CAMKK1: variants seen among roughly 807,000 people sequenced by gnomAD.
CAMKK1 encodes the protein calcium/calmodulin-dependent protein kinase kinase 1.
In CAMKK1, 20 loss-of-function variants were observed where a neutral mutation model predicts 63.5. The observed-to-expected ratio is 0.32, with a 90% confidence interval of 0.22 to 0.46. CAMKK1 has a LOEUF of 0.46. Among genes scored for constraint, CAMKK1 ranks in the 20% least tolerant of loss-of-function variants. CAMKK1 has a pLI of 1.00. For missense variants in CAMKK1, 588 were observed against 658.1 expected (o/e 0.89, Z 1.17); for synonymous variants, 253 against 269.0 (o/e 0.94, Z 0.58).
At chr17:3,873,483 A>G in intron 10 of CAMKK1, 21 bp from the exon 11 acceptor site, 1 of 1,613,790 alleles carries the variant, frequency 6.2e-7, no homozygotes. Context: ...ACATGCTCAC[A>G]TCAGTCCCCA....
chr17:3,869,205 C>T lies in CAMKK1; in HGVS notation c.1341+282G>A, dbSNP rs568450578. 2.6e-4 allele frequency among the ~76,000 whole-genome samples: 40 copies of T among 152,210 alleles called. 1 individual carries two copies. In the East Asian group the frequency reaches 7.2e-3, roughly 27 times the overall value. On this transcript the variant is annotated intron_variant, in intron 14 of 15. Coordinates refer to ENST00000348335, the MANE Select transcript of CAMKK1 (RefSeq NM_032294.3). The stretch of plus-strand genomic sequence containing the variant: ...ATCTCCTGACCTCGTGATCTGCCCG[C>T]CTTGGCCTCCCAAAGTGCTGGGATT...
intron 14 of CAMKK1, among the ~76,000 whole-genome samples, chr17:3,868,722 G>A (rs975592752): frequency 2.0e-5 from 3 of 151,694 alleles, no homozygotes; most frequent in Admixed American, 1.3e-4. Flanking sequence ...GCGTGATCTT[G>A]GCTCACTACA....
rs562328938 is a variant in CAMKK1, at chr17:3,889,061, G to A, written c.-43-3331C>T. 6.6e-6 allele frequency among the ~76,000 whole-genome samples: 1 copy of A among 152,256 alleles called. No individual in the cohort carries two copies. The highest frequency in any genetic ancestry group is 1.9e-4 in the East Asian group (1 of 5,164). ...CGTGTACCTATGCCCAGGGTAGGGG[G>A]GTGGTCCGCGCCCCTGGGGGCCCTG... On this transcript the variant is annotated intron_variant, in intron 1 of 15. Coordinates refer to ENST00000348335, the MANE Select transcript of CAMKK1 (RefSeq NM_032294.3). This position sits in a 1 kb window ranked among gnomAD's most constrained non-coding sequence, Gnocchi z 5.2.
At chr17:3,873,592 C>T (rs1157303528) in intron 10 of CAMKK1, 130 bp from the exon 11 acceptor site, 1 of 886,458 alleles carries the variant, frequency 1.1e-6, no homozygotes, top group East Asian at 2.5e-5. Flanking sequence ...GACAAACACT[C>T]CGCGGTACTT....
rs2054339646 is a variant in CAMKK1 at position 3,861,794 on chromosome 17, T to G, written c.*417A>C. The G allele has an allele frequency of 4.5e-6, 1 of 223,476 alleles. No homozygotes were observed. The highest frequency in any genetic ancestry group is 9.1e-6 in the Non-Finnish European group (1 of 109,770). 13.8% of individuals were successfully genotyped at this position (223,476 alleles called of 1,614,324 possible). A position where few individuals can be genotyped will look rare whatever the true frequency, so the allele number is the denominator to read the frequency against. On this transcript the variant is annotated 3_prime_UTR_variant, in exon 16 of 16. Transcript: ENST00000348335. ...CTCTCCACCATATGCCTGTGGCAGCTGAGCCAGGCCTGCCCGGCCCCAGCG... is the reference window on the plus strand; with the variant it reads ...CTCTCCACCATATGCCTGTGGCAGCGGAGCCAGGCCTGCCCGGCCCCAGCG...
chr17:3,862,144 T>G lies in CAMKK1; in HGVS notation c.*67A>C. 7.3e-7 allele frequency: 1 copy of G among 1,365,186 alleles called. No individual in the cohort carries two copies. The highest frequency in any genetic ancestry group is 1.0e-6 in the Non-Finnish European group (1 of 987,046). The allele number at this position is 1,365,186 out of a possible 1,614,324, so 84.6% of individuals were successfully genotyped here. On this transcript the variant is annotated 3_prime_UTR_variant, in exon 16 of 16. Transcript: ENST00000348335. This position sits in a 1 kb window ranked among gnomAD's most constrained non-coding sequence, Gnocchi z 4.1. Reference sequence around the variant, plus strand: ...CCTGCCTGCGGGGGCGGCTGTTGCATGAGGGGTGGGCCTCTGGAGGCGCGG... The same window carrying G: ...CCTGCCTGCGGGGGCGGCTGTTGCAGGAGGGGTGGGCCTCTGGAGGCGCGG...
At chr17:3,878,616 T>C (rs925307854) in intron 9 of CAMKK1, among the ~76,000 whole-genome samples, 3 of 152,092 alleles carry the variant, frequency 2.0e-5, no homozygotes, top group African/African-American at 7.2e-5. Flanking sequence ...TTTCCCCATA[T>C]GTGCAAAGAG....
Position 3,890,266 on chromosome 17 carries a change from C to T in CAMKK1, c.-44+2673G>A, listed in dbSNP as rs141070208. Reference sequence around the variant, plus strand: ...GCGTCTGGTGCCAAGTCATGCTTGACGACTCCTGCTGTGAGGACGCCCGCT... The same window carrying T: ...GCGTCTGGTGCCAAGTCATGCTTGATGACTCCTGCTGTGAGGACGCCCGCT... On this transcript the variant is annotated intron_variant, in intron 1 of 15. Transcript: ENST00000348335. The surrounding 1 kb of genome is among the most constrained non-coding windows in gnomAD (Gnocchi z 6.5). 4.0e-3 allele frequency among the ~76,000 whole-genome samples: 612 copies of T among 152,304 alleles called. 1 individual carries two copies. The highest frequency in any genetic ancestry group is 0.014 in the African/African-American group (572 of 41,548).
intron 1 of CAMKK1, among the ~76,000 whole-genome samples, chr17:3,888,720 C>T (rs568731432): frequency 4.8e-4 from 73 of 152,358 alleles, no homozygotes; most frequent in African/African-American, 1.6e-3. Context: ...ACGTCAGGCT[C>T]CCCATCCCTC....
At position 3,868,308 on chromosome 17, in the gene CAMKK1, A is replaced by G. The variant is rs78072987; in HGVS notation, c.1341+1179T>C. Among the ~76,000 whole-genome samples the G allele has an allele frequency of 8.7e-3, 1,113 of 128,476 alleles. 9 individuals carry two copies. Among genetic ancestry groups the G allele is most frequent in the African/African-American group, 0.034 (1,030 of 29,962 alleles). The allele number at this position is 128,476 out of a possible 152,430, so 84.3% of individuals were successfully genotyped here. A position where few individuals can be genotyped will look rare whatever the true frequency, so the allele number is the denominator to read the frequency against. ...ACGTGGGCACGGGGGAGATGCAGGCACCGTCTAACTGATACACAGGATCTG... is the reference window on the plus strand; with the variant it reads ...ACGTGGGCACGGGGGAGATGCAGGCGCCGTCTAACTGATACACAGGATCTG... On this transcript the variant is annotated intron_variant, in intron 14 of 15. Transcript: ENST00000348335.
At chr17:3,864,445 A>G (rs111797970) in intron 15 of CAMKK1, among the ~76,000 whole-genome samples, 7 of 149,894 alleles carry the variant, frequency 4.7e-5, no homozygotes, top group African/African-American at 1.7e-4. Flanking sequence ...ACGGGGTTTC[A>G]CCGTGTTAGC....
At chr17:3,878,007 G>A (rs1205188699) in intron 9 of CAMKK1, among the ~76,000 whole-genome samples, 2 of 152,102 alleles carry the variant, frequency 1.3e-5, no homozygotes, top group African/African-American at 4.8e-5. Context: ...CGCCCCTGCT[G>A]CTCCCCATTC....
intron 14 of CAMKK1, 50 bp downstream of exon 14, chr17:3,869,437 G>T: frequency 6.2e-7 from 1 of 1,610,586 alleles, no homozygotes; most frequent in African/African-American, 1.3e-5. Context: ...GCAAGGCTCA[G>T]GTCCCCCAGG....
rs1418744503 is a variant in CAMKK1 at position 3,861,668 on chromosome 17, A to C, written c.*543T>G. ...AACAAAAAAGGAATCAGAATTCTCC[A>C]ACACTGGCCCTGTCCCCAGTGAGGG... On this transcript the variant is annotated 3_prime_UTR_variant, in exon 16 of 16. Transcript: ENST00000348335. 6.5e-6 allele frequency: 1 copy of C among 154,124 alleles called. No individual in the cohort carries two copies. The highest frequency in any genetic ancestry group is 1.4e-5 in the Non-Finnish European group (1 of 69,336). The allele number at this position is 154,124 out of a possible 1,614,324, so 9.5% of individuals were successfully genotyped here.
At chr17:3,865,358 CAAGCACTCACAA>C (rs1461512291) in intron 15 of CAMKK1, 19 of 988,728 alleles carry the variant, frequency 1.9e-5, no homozygotes, top group Non-Finnish European at 2.2e-5. Context: ...ACTCACTGAA[CAAGCACTCACAA>C]AGTGCTGACT....
intron 14 of CAMKK1, among the ~76,000 whole-genome samples, chr17:3,867,744 G>A (rs947671192): frequency 5.9e-5 from 9 of 152,242 alleles, no homozygotes; most frequent in East Asian, 1.9e-4. Flanking sequence ...GCCAGGCCCC[G>A]CCAACGGCAG....
At chr17:3,871,352 T>G (rs972297733) in intron 12 of CAMKK1, among the ~76,000 whole-genome samples, 8 of 81,714 alleles carry the variant, frequency 9.8e-5, no homozygotes, top group Admixed American at 4.5e-4. Context: ...TTTTTGTTTT[T>G]TTTTTTTTTT....
chr17:3,871,935 C>T (rs376589543), intron 12 of CAMKK1, among the ~76,000 whole-genome samples: 13 of 152,306 alleles, frequency 8.5e-5, no homozygotes, highest in Admixed American at 3.3e-4. Context: ...CGTGAGCCAC[C>T]GCACCCGGCC....
At chr17:3,878,164 C>T (rs1015871452) in intron 9 of CAMKK1, among the ~76,000 whole-genome samples, 5 of 152,194 alleles carry the variant, frequency 3.3e-5, no homozygotes, top group African/African-American at 1.2e-4. Flanking sequence ...TGCATCGTTG[C>T]ACCTGCCCCC....
Sources: gnomAD v4.1 joint callset for allele counts (sites outside exome capture counted in the v4.1 genomes callset) on GRCh38, gnomAD v4.1.1 for gene constraint, Gnocchi (gnomAD v3.1) non-coding constraint, MANE v1.5 for transcripts, NCBI Gene and HGNC (gene_info 2026-07-23, HGNC 2026-07-21) for gene names.